The following GRB2 variants were observed in gnomAD, a reference collection of about 807,000 sequenced individuals.
The protein encoded by GRB2 is growth factor receptor bound protein 2.
GRB2 carries 2 observed loss-of-function variants against 27.4 expected under a neutral mutation model. The observed-to-expected ratio is 0.07, with a 90% CI of 0.03 to 0.23. The LOEUF (loss-of-function observed/expected upper bound fraction) is 0.23. Among genes scored for constraint, GRB2 ranks in the 10% least tolerant of loss-of-function variants. GRB2 has a pLI of 1.00. For synonymous variants in GRB2, 94 were observed against 99.6 expected, an observed-to-expected ratio of 0.94 and a Z score of 0.33; for missense variants, 102 against 282.4, an observed-to-expected ratio of 0.36 and a Z score of 4.58.
At chr17:75,405,461 G>A (rs983678904) in intron 1 of GRB2, 28 bp downstream of exon 1, 1 of 152,396 alleles carries the variant, frequency 6.6e-6, no homozygotes, top group African/African-American at 2.4e-5. Flanking sequence ...GCACGAGAGA[G>A]GCGCCGAGCG....
At position 75,396,296 on chromosome 17, in the gene GRB2, G is replaced by A. The variant is rs555326711; in HGVS notation, c.-137-2531C>T. The stretch of plus-strand genomic sequence containing the variant: ...CTTGCACTGTTGTCCAGGCACGAGT[G>A]CAGTGGCATGGTCATGGCTTACTGC... On this transcript the variant is annotated intron_variant, in intron 1 of 5. Coordinates refer to ENST00000316804, the MANE Select transcript of GRB2 (RefSeq NM_002086.5). 2.0e-5 allele frequency among the ~76,000 whole-genome samples: 3 copies of A among 152,006 alleles called. No individual in the cohort carries two copies. In the South Asian group the frequency reaches 6.2e-4, roughly 32 times the overall value.
intron 2 of GRB2, among the ~76,000 whole-genome samples, chr17:75,381,037 A>AAT (rs2078924387): frequency 6.6e-6 from 1 of 152,254 alleles, no homozygotes; most frequent in Non-Finnish European, 1.5e-5. Flanking sequence ...CAATAGGACA[A>AAT]TACATATATC....
chr17:75,321,632 A>T (rs1311596698), intron 5 of GRB2, 27 bp downstream of exon 5: 10 of 1,608,054 alleles, frequency 6.2e-6, no homozygotes, highest in Non-Finnish European at 8.5e-6. Flanking sequence ...ACTAAAAATG[A>T]TCCCATCTCA....
At chr17:75,374,688 G>A (rs2078880815) in intron 2 of GRB2, among the ~76,000 whole-genome samples, 1 of 151,986 alleles carries the variant, frequency 6.6e-6, no homozygotes, top group African/African-American at 2.4e-5. Flanking sequence ...TCGGGAAGCT[G>A]ATGTGGGAAG....
Position 75,320,934 on chromosome 17 carries a change from A to G in GRB2, c.469-381T>C, listed in dbSNP as rs1018656420. On this transcript the variant is annotated intron_variant, in intron 5 of 5. Coordinates refer to ENST00000316804, the MANE Select transcript of GRB2 (RefSeq NM_002086.5). This position sits in a 1 kb window ranked among gnomAD's most constrained non-coding sequence, Gnocchi z 4.3. ...CGACACCCTTAAGGTATTAAAGCCTAAAGTTCTGGAGCTCGAATAACATAA... is the reference window on the plus strand; with the variant it reads ...CGACACCCTTAAGGTATTAAAGCCTGAAGTTCTGGAGCTCGAATAACATAA... 6.6e-6 allele frequency among the ~76,000 whole-genome samples: 1 copy of G among 152,150 alleles called. No homozygotes were observed. The highest frequency in any genetic ancestry group is 1.5e-5 in the Non-Finnish European group (1 of 68,038).
At chr17:75,325,859 G>C (rs767797813) in intron 4 of GRB2, 39 bp downstream of exon 4, 1 of 1,610,310 alleles carries the variant, frequency 6.2e-7, no homozygotes. Context: ...GGATCAGTCA[G>C]AGACAGGATT....
At chr17:75,382,590 A>G (rs1188725279) in intron 2 of GRB2, among the ~76,000 whole-genome samples, 6 of 152,230 alleles carry the variant, frequency 3.9e-5, no homozygotes, top group Admixed American at 3.9e-4. Flanking sequence ...AGTTCTTTTG[A>G]TAAAAATGTT....
chr17:75,331,329 T>A (rs2078539855), intron 3 of GRB2, among the ~76,000 whole-genome samples: 1 of 152,164 alleles, frequency 6.6e-6, no homozygotes. Flanking sequence ...CTCCATCAAT[T>A]CTTCTAAAGT....
Position 75,319,029 on chromosome 17 carries a change from G to A in GRB2, c.*1339C>T, listed in dbSNP as rs1342674139. 6.6e-6 allele frequency: 1 copy of A among 152,558 alleles called. No individual in the cohort carries two copies. The highest frequency in any genetic ancestry group is 2.1e-4 in the South Asian group (1 of 4,804). The allele number at this position is 152,558 out of a possible 1,614,324, so 9.5% of individuals were successfully genotyped here. ...AAGCCAGATCCAGTGGGATGTGGGA[G>A]AGCTGGGCGGTCACCTTCCCTCTTG... On this transcript the variant is annotated 3_prime_UTR_variant, in exon 6 of 6. Coordinates refer to ENST00000316804, the MANE Select transcript of GRB2 (RefSeq NM_002086.5).
chr17:75,341,368 C>T (rs746044935), intron 2 of GRB2, among the ~76,000 whole-genome samples: 2 of 147,796 alleles, frequency 1.4e-5, no homozygotes, highest in Non-Finnish European at 3.0e-5. Context: ...AGGAGAATCG[C>T]TTGAAACCAG....
chr17:75,324,507 G>GTTTTT lies in GRB2; in HGVS notation c.299+1386_299+1390dup, dbSNP rs767194304. Reference sequence around the variant, plus strand: ...TTACAGGTGTGAGCCACCGCACCCAGTTTTTTTTTTTTTTTTTTTTTTTTT... The same window carrying GTTTTT: ...TTACAGGTGTGAGCCACCGCACCCAGTTTTTTTTTTTTTTTTTTTTTTTTTTTTTT... On this transcript the variant is annotated intron_variant, in intron 4 of 5. Transcript: ENST00000316804. 5.2e-3 allele frequency among the ~76,000 whole-genome samples: 190 copies of GTTTTT among 36,690 alleles called. 18 individuals are homozygous for GTTTTT. The highest frequency in any genetic ancestry group is 0.014 in the African/African-American group (166 of 12,204). 24.1% of individuals were successfully genotyped at this position (36,690 alleles called of 152,430 possible).
intron 2 of GRB2, chr17:75,339,005 C>G (rs910181107): frequency 1.6e-6 from 2 of 1,259,280 alleles, no homozygotes; most frequent in African/African-American, 2.9e-5. Context: ...CGGAAAAAGG[C>G]TGAAACCACA....
chr17:75,366,204 G>T (rs970772775), intron 2 of GRB2, among the ~76,000 whole-genome samples: 2 of 151,786 alleles, frequency 1.3e-5, no homozygotes, highest in African/African-American at 4.9e-5. Flanking sequence ...CTTCAGCCCT[G>T]ATCAAATCTT....
intron 2 of GRB2, among the ~76,000 whole-genome samples, chr17:75,377,464 C>T (rs985476362): frequency 6.6e-6 from 1 of 151,422 alleles, no homozygotes; most frequent in Admixed American, 6.6e-5. Context: ...CTACAAAATA[C>T]AAAAAGTTAG....
At chr17:75,352,834 C>A (rs1487190910) in intron 2 of GRB2, among the ~76,000 whole-genome samples, 1 of 151,614 alleles carries the variant, frequency 6.6e-6, no homozygotes, top group Non-Finnish European at 1.5e-5. Context: ...TTTTCATCAT[C>A]AAGCTCACAA....
At chr17:75,339,332 T>TAC (rs1416656836) in intron 2 of GRB2, among the ~76,000 whole-genome samples, 1 of 151,642 alleles carries the variant, frequency 6.6e-6, no homozygotes, top group African/African-American at 2.4e-5. Flanking sequence ...TAGCTGGGAC[T>TAC]ACAGGCGCCC....
At chr17:75,335,718 T>A (rs1242816421) in intron 2 of GRB2, among the ~76,000 whole-genome samples, 3 of 152,080 alleles carry the variant, frequency 2.0e-5, no homozygotes, top group East Asian at 3.8e-4. Context: ...TCAAAAAAAA[T>A]TAGCTAGTGG....
At chr17:75,384,551 T>A (rs879816476) in intron 2 of GRB2, among the ~76,000 whole-genome samples, 2 of 151,936 alleles carry the variant, frequency 1.3e-5, no homozygotes, top group Non-Finnish European at 2.9e-5. Flanking sequence ...ATGCCTATAA[T>A]CCCAGCTACT....
At chr17:75,403,148 C>CA (rs11422812) in intron 1 of GRB2, among the ~76,000 whole-genome samples, 89,870 of 136,582 alleles carry the variant, frequency 0.66, 33,538 homozygotes, top group East Asian at 0.95. Flanking sequence ...CAACTTTGAC[C>CA]AAAAAAAATA....
Sources: gnomAD v4.1 joint callset for allele counts (sites outside exome capture counted in the v4.1 genomes callset) on GRCh38, gnomAD v4.1.1 for gene constraint, Gnocchi (gnomAD v3.1) non-coding constraint, MANE v1.5 for transcripts, NCBI Gene and HGNC (gene_info 2026-07-23, HGNC 2026-07-21) for gene names.